Variants in FAM81A observed in about 807,000 individuals in gnomAD.
FAM81A encodes protein FAM81A.
In FAM81A, 19 loss-of-function variants were observed where a neutral mutation model predicts 46.7. That is an observed-to-expected ratio of 0.41 (90% CI 0.28 to 0.60). The LOEUF is 0.60. FAM81A is among the 20% of genes least tolerant of loss of function. The pLI, the probability that FAM81A is intolerant of heterozygous loss-of-function variation, is 0.34. For missense variants in FAM81A, 377 were observed against 453.5 expected (o/e 0.83, Z 1.53); for synonymous variants, 183 against 152.9 (o/e 1.20, Z -1.45).
At chr15:59,411,577 C>G (rs1471441844) in intron 2 of FAM81A, among the ~76,000 whole-genome samples, 1 of 152,166 alleles carries the variant, frequency 6.6e-6, no homozygotes, top group Non-Finnish European at 1.5e-5. Context: ...TCCATCTTCT[C>G]ACCCTCATAG....
intron 2 of FAM81A, among the ~76,000 whole-genome samples, chr15:59,413,882 G>A (rs188986425): frequency 2.7e-4 from 41 of 152,334 alleles, no homozygotes; most frequent in Admixed American, 1.5e-3. Context: ...TGAGAAGGGA[G>A]AGATGAGGGT....
chr15:59,442,322 G>A (rs959479445), intron 1 of FAM81A, among the ~76,000 whole-genome samples: 6 of 152,062 alleles, frequency 3.9e-5, no homozygotes, highest in Non-Finnish European at 7.4e-5. Context: ...TAGAAAAGTT[G>A]CAATAACTGG....
chr15:59,423,755 A>G (rs2081184582), intron 2 of FAM81A, among the ~76,000 whole-genome samples: 2 of 152,236 alleles, frequency 1.3e-5, no homozygotes, highest in Non-Finnish European at 2.9e-5. Flanking sequence ...AAAGTTTTTC[A>G]TATAATGTAA....
intron 2 of FAM81A, among the ~76,000 whole-genome samples, chr15:59,414,821 C>T (rs1236453633): frequency 6.8e-6 from 1 of 147,024 alleles, no homozygotes; most frequent in African/African-American, 2.5e-5. Flanking sequence ...AAGGAAAAAA[C>T]TTTTTTTTTT....
intron 1 of FAM81A, among the ~76,000 whole-genome samples, chr15:59,456,856 T>C (rs2081491402): frequency 6.6e-6 from 1 of 152,214 alleles, no homozygotes; most frequent in South Asian, 2.1e-4. Context: ...CCCAAAGTGC[T>C]GGGATTACAG....
intron 1 of FAM81A, among the ~76,000 whole-genome samples, 185 bp from the exon 2 acceptor site, chr15:59,458,365 T>A (rs1049545906): frequency 3.3e-5 from 5 of 152,190 alleles, no homozygotes; most frequent in Non-Finnish European, 5.9e-5. Flanking sequence ...TTTTGCTTGA[T>A]TGCTTTTCTT....
chr15:59,489,145 G>T (rs1196347562), intron 3 of FAM81A, among the ~76,000 whole-genome samples: 1 of 151,446 alleles, frequency 6.6e-6, no homozygotes, highest in Non-Finnish European at 1.5e-5. Context: ...GGCGCCTGTA[G>T]TCCCAGCTAC....
chr15:59,481,452 A>T (rs2081849953), intron 3 of FAM81A, among the ~76,000 whole-genome samples: 2 of 152,198 alleles, frequency 1.3e-5, no homozygotes, highest in Admixed American at 6.5e-5. Context: ...AAAAAAAAGA[A>T]TAAACCATAA....
chr15:59,407,183 A>C (rs2081099061), intron 2 of FAM81A: 1 of 155,794 alleles, frequency 6.4e-6, no homozygotes, highest in African/African-American at 2.4e-5. Context: ...TGTGGACTAG[A>C]CATCCCAGTC....
At chr15:59,409,038 T>A (rs1001569869) in intron 2 of FAM81A, 1 of 152,168 alleles carries the variant, frequency 6.6e-6, no homozygotes, top group Non-Finnish European at 1.5e-5. Context: ...AATAAAATTT[T>A]AAAAATTAAA....
intron 4 of FAM81A, among the ~76,000 whole-genome samples, chr15:59,493,913 C>T (rs892874335): frequency 6.6e-6 from 1 of 152,120 alleles, no homozygotes; most frequent in Non-Finnish European, 1.5e-5. Context: ...AACTTCTTTT[C>T]AGTCTTTAAA....
At chr15:59,490,703 A>T (rs745805212) in intron 3 of FAM81A, among the ~76,000 whole-genome samples, 1 of 152,042 alleles carries the variant, frequency 6.6e-6, no homozygotes, top group Non-Finnish European at 1.5e-5. Context: ...TGGCATGGTG[A>T]TGCATGCCTG....
intron 8 of FAM81A, among the ~76,000 whole-genome samples, chr15:59,519,086 C>G (rs1314834496): frequency 6.6e-6 from 1 of 152,006 alleles, no homozygotes; most frequent in East Asian, 1.9e-4. Flanking sequence ...TGTTCATTCT[C>G]CATATCAGCA....
At chr15:59,399,735 T>A (rs985760031) in intron 1 of FAM81A, among the ~76,000 whole-genome samples, 10 of 152,144 alleles carry the variant, frequency 6.6e-5, no homozygotes, top group African/African-American at 2.4e-4. Context: ...TGGCCAGTCC[T>A]CATTCTCAGG....
intron 4 of FAM81A, among the ~76,000 whole-genome samples, chr15:59,502,774 G>A (rs1490437194): frequency 6.6e-6 from 1 of 151,556 alleles, no homozygotes; most frequent in Non-Finnish European, 1.5e-5. Flanking sequence ...CGCCCACCTC[G>A]CCTTCCAAAG....
At chr15:59,457,652 T>C (rs1034404960) in intron 1 of FAM81A, among the ~76,000 whole-genome samples, 12 of 152,178 alleles carry the variant, frequency 7.9e-5, no homozygotes, top group African/African-American at 2.9e-4. Flanking sequence ...GACTTTTTTT[T>C]CCTTAAATGT....
At chr15:59,474,056 C>T (rs1436793478) in intron 3 of FAM81A, among the ~76,000 whole-genome samples, 1 of 152,166 alleles carries the variant, frequency 6.6e-6, no homozygotes, top group African/African-American at 2.4e-5. Flanking sequence ...TTAGGAAGCC[C>T]TCCTTGCCAG....
chr15:59,436,117 A>C (rs1417390232), upstream of FAM81A, among the ~76,000 whole-genome samples: 1 of 152,196 alleles, frequency 6.6e-6, no homozygotes, highest in East Asian at 1.9e-4. Context: ...TTATTTGCTA[A>C]CTGTTATGAT....
intron 1 of FAM81A, among the ~76,000 whole-genome samples, chr15:59,457,341 C>T (rs1285592492): frequency 6.6e-6 from 1 of 152,176 alleles, no homozygotes; most frequent in African/African-American, 2.4e-5. Context: ...ACTTAATAGC[C>T]ATCTCTGTTA....
Sources: gnomAD v4.1 joint callset for allele counts (sites outside exome capture counted in the v4.1 genomes callset) on GRCh38, gnomAD v4.1.1 for gene constraint, MANE v1.5 for transcripts, NCBI Gene and HGNC (gene_info 2026-07-23, HGNC 2026-07-21) for gene names.